MYH14: variants seen among roughly 807,000 people sequenced by gnomAD.
The protein encoded by MYH14 is myosin-14.
MYH14 carries 123 observed loss-of-function variants against 255.5 expected under a neutral mutation model. The ratio of observed to expected loss-of-function variants is 0.48; its 90% CI spans 0.42 to 0.56. The LOEUF (loss-of-function observed/expected upper bound fraction) is 0.56. Among genes scored for constraint, MYH14 ranks in the 20% least tolerant of loss-of-function variants. MYH14 has a pLI of 0.00. For synonymous variants in MYH14, 1,095 were observed against 1,161.2 expected, an observed-to-expected ratio of 0.94 and a Z score of 1.16; for missense variants, 2,423 against 2,802.3, an observed-to-expected ratio of 0.86 and a Z score of 3.06.
In MYH14 at chr19:50,280,357, C is replaced by T. The variant is rs727503226; in HGVS notation, c.4264C>T (p.Arg1422Cys). The change falls in exon 32 of 43, where the codon CGT becomes TGT. Residue 1422 changes from arginine to cysteine, a missense_variant. Arg to Cys is a radical substitution (Grantham distance 180). Transcript: ENST00000642316. The surrounding 1 kb of genome is among the most constrained non-coding windows in gnomAD (Gnocchi z 4.8). Reference sequence around the variant, plus strand: ...GGCAGCTGCCAGGGAACGGGCGGGCCGTGAACTGCAGACTGCCCAGGCCCA... The same window carrying T: ...GGCAGCTGCCAGGGAACGGGCGGGCTGTGAACTGCAGACTGCCCAGGCCCA... Reference protein sequence around the residue: ...EEAAARERAGRELQTAQAQLS... With the variant: ...EEAAARERAGCELQTAQAQLS... 1.2e-5 allele frequency: 19 copies of T among 1,545,722 alleles called. No individual in the cohort carries two copies. Among genetic ancestry groups the T allele is most frequent in the East Asian group, 7.3e-5 (3 of 40,842 alleles).
chr19:50,277,051 A>G, intron 29 of MYH14, 150 bp downstream of exon 29: 1 of 640,928 alleles, frequency 1.6e-6, no homozygotes, highest in Non-Finnish European at 2.7e-6. Context: ...TCATTCAGCA[A>G]GCATTAATGG....
At chr19:50,247,220 C>A in intron 12 of MYH14, 98 bp downstream of exon 12, 4 of 849,810 alleles carry the variant, frequency 4.7e-6, no homozygotes, top group Non-Finnish European at 5.7e-6. Flanking sequence ...ACTCAACAGA[C>A]TTTTGCTGAG....
At chr19:50,244,929 C>A in intron 11 of MYH14, among the ~76,000 whole-genome samples, 1 of 152,344 alleles carries the variant, frequency 6.6e-6, no homozygotes, top group East Asian at 1.9e-4. Flanking sequence ...CCCCTCTCCC[C>A]ACAGGGAGCC....
In MYH14 at chr19:50,276,802, G is replaced by A; in HGVS notation, c.3726G>A (p.Glu1242=). 6.2e-7 allele frequency: 1 copy of A among 1,613,406 alleles called. No individual in the cohort carries two copies. The highest frequency in any genetic ancestry group is 1.7e-5 in the Admixed American group (1 of 60,020). ...TGACGGAGCTGAAGAAGACTCTGGA[G>A]GAGGAGACTCGCATCCACGAGGCGG... ...QEVTELKKTL[E]EETRIHEAAV... Residue 1242 remains glutamate, a synonymous_variant, in exon 29 of 43, where the codon GAG becomes GAA. Transcript: ENST00000642316. This position sits in a 1 kb window ranked among gnomAD's most constrained non-coding sequence, Gnocchi z 4.3.
chr19:50,308,823 G>A, intron 41 of MYH14, 182 bp from the exon 42 acceptor site: 1 of 632,638 alleles, frequency 1.6e-6, no homozygotes, highest in South Asian at 2.2e-5. Flanking sequence ...GGAGAGACTG[G>A]AGGTCAGGGT....
chr19:50,226,384 G>A (rs2033101364), intron 7 of MYH14, among the ~76,000 whole-genome samples: 1 of 76,458 alleles, frequency 1.3e-5, no homozygotes, highest in Non-Finnish European at 3.2e-5. Context: ...GAGGGGCTGG[G>A]GGCCTGGACT....
intron 17 of MYH14, among the ~76,000 whole-genome samples, chr19:50,256,534 G>A (rs1216232833): frequency 6.6e-6 from 1 of 152,134 alleles, no homozygotes; most frequent in Admixed American, 6.5e-5. Context: ...ACCACACCTG[G>A]CTTAATTTTT....
rs1363237762 is a variant in MYH14 at position 50,289,796 on chromosome 19, C to T, written c.4965+148C>T. On this transcript the variant is annotated intron_variant, in intron 35 of 42. Coordinates refer to ENST00000642316, the MANE Select transcript of MYH14 (RefSeq NM_001145809.2). ...GCCGACCACTCAGTATCTCCCCAAC[C>T]CTTCCACTGCTCAGTGTCTCCCCAC... The T allele has an allele frequency of 5.7e-6, 4 of 702,140 alleles. No homozygotes were observed. The African/African-American group carries it at 7.0e-5, about 12-fold the overall frequency. The allele number at this position is 702,140 out of a possible 1,614,324, so 43.5% of individuals were successfully genotyped here. A position where few individuals can be genotyped will look rare whatever the true frequency, so the allele number is the denominator to read the frequency against.
intron 33 of MYH14, 113 bp downstream of exon 33, chr19:50,281,955 G>A: frequency 8.5e-7 from 1 of 1,180,756 alleles, no homozygotes; most frequent in African/African-American, 1.5e-5. Context: ...GGCAGTTGTA[G>A]TGGACCAGGA....
chr19:50,279,408 G>A (rs1249337034), intron 30 of MYH14, among the ~76,000 whole-genome samples: 1 of 152,134 alleles, frequency 6.6e-6, no homozygotes, highest in Non-Finnish European at 1.5e-5. Flanking sequence ...AGGCGGGTGG[G>A]TCACCTGAGG....
intron 18 of MYH14, 74 bp from the exon 19 acceptor site, chr19:50,259,070 A>T: frequency 3.3e-6 from 5 of 1,502,714 alleles, no homozygotes; most frequent in Non-Finnish European, 3.6e-6. Context: ...GGAAACAGGA[A>T]ATTGCCAAGC....
At chr19:50,286,106 T>C (rs982186869) in intron 33 of MYH14, 1 of 167,410 alleles carries the variant, frequency 6.0e-6, no homozygotes, top group Non-Finnish European at 1.3e-5. Context: ...CTATGAGTTC[T>C]GTTCTCTTTT....
chr19:50,259,368 C>T, intron 19 of MYH14, 103 bp downstream of exon 19: 2 of 1,440,622 alleles, frequency 1.4e-6, no homozygotes, highest in Non-Finnish European at 1.9e-6. Context: ...CTTGTTCCTT[C>T]TGCGCTGGGG....
chr19:50,261,669 G>T, intron 21 of MYH14, 34 bp downstream of exon 21: 2 of 1,547,040 alleles, frequency 1.3e-6, no homozygotes, highest in South Asian at 1.2e-5. Context: ...GGGTCCTGTT[G>T]GCCGAGACTG....
At position 50,272,345 on chromosome 19, in the gene MYH14, G is replaced by A. The variant is rs533884969; in HGVS notation, c.3296-215G>A. On this transcript the variant is annotated intron_variant, in intron 26 of 42. Transcript: ENST00000642316. Reference sequence around the variant, plus strand: ...GAGAGAGTCAGAGGGTGGAGGCATGGGCTGTTGGTGGGGATGAGGAGGAGA... The same window carrying A: ...GAGAGAGTCAGAGGGTGGAGGCATGAGCTGTTGGTGGGGATGAGGAGGAGA... Among the ~76,000 whole-genome samples, 15 of 152,210 alleles carry A rather than the reference G, an allele frequency of 9.9e-5. No homozygotes were observed. The South Asian group carries it at 2.9e-3, about 29-fold the overall frequency.
At chr19:50,245,869 T>A (rs2034093450) in intron 11 of MYH14, among the ~76,000 whole-genome samples, 1 of 152,208 alleles carries the variant, frequency 6.6e-6, no homozygotes, top group South Asian at 2.1e-4. Flanking sequence ...CCTGCTTTTT[T>A]TTCCCCTGAA....
chr19:50,249,241 T>C (rs997125459), intron 13 of MYH14, 102 bp downstream of exon 13: 12 of 1,113,148 alleles, frequency 1.1e-5, no homozygotes, highest in African/African-American at 4.8e-5. Flanking sequence ...TCTGTCCCCC[T>C]CTCTCTCTCT....
intron 15 of MYH14, among the ~76,000 whole-genome samples, chr19:50,251,149 G>T (rs1400432714): frequency 1.3e-5 from 2 of 152,112 alleles, no homozygotes; most frequent in Non-Finnish European, 2.9e-5. Context: ...GCCCAGAAGA[G>T]AAGTACCTGG....
Position 50,260,733 on chromosome 19 carries a change from T to G in MYH14, c.2424+18T>G, listed in dbSNP as rs2034794967. ...AAAAGATGGTGAGTGGGGCAGAGCC[T>G]GGAATGCGTGTGTGCGTGTGTGTGT... is the stretch of plus-strand genomic sequence containing the variant. On this transcript the variant is annotated intron_variant, in intron 20 of 42. Coordinates refer to ENST00000642316, the MANE Select transcript of MYH14 (RefSeq NM_001145809.2). 6.4e-7 allele frequency: 1 copy of G among 1,574,694 alleles called. No individual in the cohort carries two copies. Among genetic ancestry groups the G allele is most frequent in the African/African-American group, 1.5e-5 (1 of 66,786 alleles).
Sources: allele counts gnomAD v4.1 joint callset (sites outside exome capture counted in the v4.1 genomes callset), GRCh38; gene constraint gnomAD v4.1.1; non-coding constraint Gnocchi (gnomAD v3.1); transcripts MANE v1.5; gene names NCBI Gene and HGNC (gene_info 2026-07-23, HGNC 2026-07-21).